The following ARHGEF28 variants were observed in gnomAD, a reference collection of about 807,000 sequenced individuals.
The protein encoded by ARHGEF28 is 190 kDa guanine nucleotide exchange factor.
A neutral mutation model predicts 206.6 loss-of-function variants in ARHGEF28; 152 were observed. That is an observed-to-expected ratio of 0.74 (90% CI 0.64 to 0.84). ARHGEF28 has a LOEUF of 0.84. Ranked by LOEUF, ARHGEF28 falls within the 40% of genes least tolerant of loss-of-function variation. The pLI is 0.00. For synonymous variants in ARHGEF28, 763 were observed against 776.4 expected, an observed-to-expected ratio of 0.98 and a Z score of 0.29; for missense variants, 2,028 against 2,073.2, an observed-to-expected ratio of 0.98 and a Z score of 0.42.
chr5:73,716,516 G>T (rs1561353615), intron 2 of ARHGEF28, among the ~76,000 whole-genome samples: 2 of 152,180 alleles, frequency 1.3e-5, no homozygotes, highest in African/African-American at 4.8e-5. Context: ...TCCAACTAGT[G>T]TTTGCAGGAT....
At chr5:73,884,655 C>T (rs529357320) in intron 24 of ARHGEF28, among the ~76,000 whole-genome samples, 65 of 152,306 alleles carry the variant, frequency 4.3e-4, no homozygotes, top group African/African-American at 1.4e-3. Flanking sequence ...AGCTCTGCCA[C>T]TCATTCATTG....
In ARHGEF28 at chr5:73,909,494, C is replaced by G; in HGVS notation, c.4244C>G (p.Ser1415Cys). The stretch of plus-strand genomic sequence containing the variant: ...CAGGAGGGCCTGTCTCTCGGCCACT[C>G]TATCCTCCGAGGCGGCCCCTTGCAG... ...QQQEGLSLGH[S>C]ILRGGPLQDQ... The change falls in exon 34 of 36, where the codon TCT becomes TGT. Residue 1415 changes from serine (S) to cysteine (C), a missense_variant. Transcript: ENST00000513042. 6.2e-7 allele frequency: 1 copy of G among 1,611,636 alleles called. No individual in the cohort carries two copies.
chr5:73,901,936 T>C (rs1355552165), intron 31 of ARHGEF28: 1 of 152,084 alleles, frequency 6.6e-6, no homozygotes, highest in Non-Finnish European at 1.5e-5. Context: ...ATGTCAGAAA[T>C]AGGGAAGGAA....
intron 2 of ARHGEF28, among the ~76,000 whole-genome samples, chr5:73,705,305 C>G (rs1748868066): frequency 6.6e-6 from 1 of 152,216 alleles, no homozygotes; most frequent in Non-Finnish European, 1.5e-5. Flanking sequence ...TCACTGCCAC[C>G]TCTTTGCGTT....
chr5:73,721,798 T>C (rs1188184088), intron 2 of ARHGEF28, among the ~76,000 whole-genome samples: 1 of 152,218 alleles, frequency 6.6e-6, no homozygotes, highest in Non-Finnish European at 1.5e-5. Flanking sequence ...GTAAAATTAA[T>C]GGTATCCTTG....
chr5:73,678,652 C>T (rs532203583), intron 1 of ARHGEF28, among the ~76,000 whole-genome samples: 31 of 152,224 alleles, frequency 2.0e-4, no homozygotes, highest in African/African-American at 7.5e-4. Context: ...TACATGGGCT[C>T]CCGTGAGCTT....
chr5:73,769,845 G>A (rs528667500), intron 4 of ARHGEF28, among the ~76,000 whole-genome samples: 2 of 152,226 alleles, frequency 1.3e-5, no homozygotes, highest in South Asian at 2.1e-4. Context: ...TTAAGAACAG[G>A]TTTAGGTTCA....
chr5:73,876,211 GCTCT>G (rs1336686228), intron 22 of ARHGEF28, among the ~76,000 whole-genome samples: 1 of 137,340 alleles, frequency 7.3e-6, no homozygotes, highest in African/African-American at 2.8e-5. Flanking sequence ...TCATGATTTG[GCTCT>G]CTGTTTGTCT....
intron 9 of ARHGEF28, among the ~76,000 whole-genome samples, chr5:73,815,278 A>G (rs1296661254): frequency 6.6e-6 from 1 of 152,058 alleles, no homozygotes; most frequent in African/African-American, 2.4e-5. Flanking sequence ...AATGTTAACA[A>G]TATGTAAATC....
rs751154601 is a variant in ARHGEF28 at position 73,873,159 on chromosome 5, C to T, written c.2727C>T (p.Tyr909=). The part of the protein sequence containing the change: ...ELLEIHRHFF[Y]SMKERRQESC... ...TTGAAATCCACAGGCATTTCTTCTACAGTATGAAGGAACGAAGGCAGGAAT... is the reference window on the plus strand; with the variant it reads ...TTGAAATCCACAGGCATTTCTTCTATAGTATGAAGGAACGAAGGCAGGAAT... Residue 909 remains tyrosine (Y), a synonymous_variant, in exon 22 of 36, where the codon TAC becomes TAT. Transcript: ENST00000513042. 235 of 1,612,594 alleles carry T rather than the reference C, an allele frequency of 1.5e-4. No individual in the cohort carries two copies. The East Asian group carries it at 5.1e-3, about 35-fold the overall frequency.
In ARHGEF28 at chr5:73,901,302, G is replaced by C; in HGVS notation, c.4074+18G>C. ...GGGAGAAGGTATTGTGAACTGATTT[G>C]TTAGTAAACGGCAGCGGTTACTGTG... On this transcript the variant is annotated intron_variant, in intron 31 of 35. Coordinates refer to ENST00000513042, the MANE Select transcript of ARHGEF28 (RefSeq NM_001177693.2). 1 of 1,604,028 alleles carries C rather than the reference G, an allele frequency of 6.2e-7. No homozygotes were observed. Among genetic ancestry groups the C allele is most frequent in the Non-Finnish European group, 8.5e-7 (1 of 1,173,000 alleles).
Position 73,879,837 on chromosome 5 carries a change from T to TG in ARHGEF28, c.2815-2629dup, listed in dbSNP as rs548958020. ...ATGTGAGGTGTCAGTCTGCCCCTAC[T>TG]GGGGGGTGCCTCCCAGTTAGGCTGC... On this transcript the variant is annotated intron_variant, in intron 22 of 35. Transcript: ENST00000513042. 2.3e-3 allele frequency among the ~76,000 whole-genome samples: 351 copies of TG among 152,262 alleles called. 1 individual carries two copies. The highest frequency in any genetic ancestry group is 8.1e-3 in the African/African-American group (336 of 41,556).
intron 2 of ARHGEF28, among the ~76,000 whole-genome samples, chr5:73,691,790 T>C (rs933592325): frequency 2.0e-4 from 30 of 152,276 alleles, no homozygotes; most frequent in Middle Eastern, 3.4e-3. Context: ...AATGAATAGG[T>C]ATGGGTCAAG....
chr5:73,912,615 T>C (rs1329510851), intron 35 of ARHGEF28, among the ~76,000 whole-genome samples: 2 of 152,246 alleles, frequency 1.3e-5, no homozygotes, highest in East Asian at 3.8e-4. Flanking sequence ...CGTGGTAACA[T>C]TCTTCTTTCT....
At chr5:73,824,760 G>A (rs1198467967) in intron 9 of ARHGEF28, among the ~76,000 whole-genome samples, 3 of 143,722 alleles carry the variant, frequency 2.1e-5, no homozygotes, top group South Asian at 2.3e-4. Context: ...GAGCCACTGC[G>A]CCAGACCTGA....
chr5:73,679,230 T>G (rs1459958523), intron 1 of ARHGEF28, among the ~76,000 whole-genome samples: 1 of 152,218 alleles, frequency 6.6e-6, no homozygotes, highest in Non-Finnish European at 1.5e-5. Context: ...AAATGATTTT[T>G]TTGCAACAAA....
At chr5:73,794,756 A>C (rs1205735806) in intron 8 of ARHGEF28, among the ~76,000 whole-genome samples, 1 of 151,806 alleles carries the variant, frequency 6.6e-6, no homozygotes, top group Non-Finnish European at 1.5e-5. Flanking sequence ...ATAGGCGCCC[A>C]CCACCACGTC....
At chr5:73,700,488 G>A (rs950627744) in intron 2 of ARHGEF28, among the ~76,000 whole-genome samples, 7 of 152,174 alleles carry the variant, frequency 4.6e-5, no homozygotes, top group East Asian at 1.9e-4. Context: ...TAAGAGAGAG[G>A]AGAGGATGGG....
At chr5:73,798,282 T>G (rs998145857) in intron 9 of ARHGEF28, among the ~76,000 whole-genome samples, 8 of 152,242 alleles carry the variant, frequency 5.3e-5, no homozygotes, top group Non-Finnish European at 1.2e-4. Context: ...AGGTTGAGTA[T>G]AGTCACTCTA....
Sources: allele counts gnomAD v4.1 joint callset (sites outside exome capture counted in the v4.1 genomes callset), GRCh38; gene constraint gnomAD v4.1.1; transcripts MANE v1.5; gene names NCBI Gene and HGNC (gene_info 2026-07-23, HGNC 2026-07-21).